The following RBMS1 variants were observed in gnomAD, a reference collection of about 807,000 sequenced individuals.
RBMS1 encodes the protein RNA binding motif single stranded interacting protein 1, also known as RNA-binding motif, single-stranded-interacting protein 1.
Under a neutral mutation model 62.3 loss-of-function variants are expected in RBMS1, and 17 were observed. The observed-to-expected ratio is 0.27, with a 90% CI of 0.19 to 0.41. The LOEUF (loss-of-function observed/expected upper bound fraction) is 0.41. RBMS1 is among the 10% of genes least tolerant of loss of function. The pLI, the probability that RBMS1 is intolerant of heterozygous loss-of-function variation, is 1.00. For missense variants in RBMS1, 334 were observed against 504.5 expected (o/e 0.66, Z 3.24); for synonymous variants, 172 against 170.0 (o/e 1.01, Z -0.09).
intron 1 of RBMS1, among the ~76,000 whole-genome samples, chr2:160,385,955 C>T (rs1420297120): frequency 6.6e-6 from 1 of 152,166 alleles, no homozygotes; most frequent in Non-Finnish European, 1.5e-5. Flanking sequence ...GGCTTCCAAA[C>T]ATGGTATAAT....
intron 1 of RBMS1, among the ~76,000 whole-genome samples, chr2:160,461,255 AAGAGAGAGAG>A (rs764820779): frequency 1.3e-5 from 2 of 150,666 alleles, no homozygotes; most frequent in African/African-American, 4.9e-5. Flanking sequence ...TCTCGAAAGA[AAGAGAGAGAG>A]AGAGAGAGGG....
intron 6 of RBMS1, among the ~76,000 whole-genome samples, chr2:160,288,279 C>T (rs560144157): frequency 7.2e-5 from 11 of 152,246 alleles, no homozygotes; most frequent in South Asian, 2.1e-4. Flanking sequence ...TAAATAACCA[C>T]GAAGAGAAAA....
intron 9 of RBMS1, chr2:160,282,141 G>A (rs1870105): frequency 0.072 from 69,648 of 961,904 alleles, 2,946 homozygotes; most frequent in Middle Eastern, 0.13. Context: ...TTAAGTTTCA[G>A]TTTCCAATTC....
intron 4 of RBMS1, among the ~76,000 whole-genome samples, chr2:160,311,224 CTATCTATCTATATATA>C (rs1689854987): frequency 3.5e-5 from 2 of 56,634 alleles, no homozygotes; most frequent in African/African-American, 1.2e-4. Context: ...ATCTATCTAT[CTATCTATCTATATATA>C]TATATATATA....
chr2:160,318,724 G>A (rs972742648), intron 2 of RBMS1, among the ~76,000 whole-genome samples: 1 of 152,226 alleles, frequency 6.6e-6, no homozygotes, highest in Non-Finnish European at 1.5e-5. Flanking sequence ...TATCGCCACA[G>A]AAGGGCAGGT....
chr2:160,392,264 G>A (rs995079114), intron 1 of RBMS1, among the ~76,000 whole-genome samples: 20 of 152,118 alleles, frequency 1.3e-4, no homozygotes, highest in African/African-American at 3.9e-4. Flanking sequence ...CACATCAGGG[G>A]TCTGCAAACT....
chr2:160,420,454 G>A (rs144280486), intron 1 of RBMS1, among the ~76,000 whole-genome samples: 2 of 152,110 alleles, frequency 1.3e-5, no homozygotes, highest in African/African-American at 4.8e-5. Flanking sequence ...TTCTAAGGAT[G>A]GTATTAATGC....
rs1431799212 is a variant in RBMS1, at chr2:160,333,065, G to A, written c.252-14838C>T. ...CTGGCATTAAAATGGGATTCAAGAC[G>A]TAAGGCAACCCAGGTGGAGGTGAGT... On this transcript the variant is annotated intron_variant, in intron 2 of 13. Transcript: ENST00000348849. Among the ~76,000 whole-genome samples, 3 of 151,876 alleles carry A rather than the reference G, an allele frequency of 2.0e-5. No individual in the cohort carries two copies. The East Asian group carries it at 5.8e-4, about 29-fold the overall frequency.
chr2:160,439,923 C>T (rs1320028766), intron 1 of RBMS1, among the ~76,000 whole-genome samples: 1 of 151,948 alleles, frequency 6.6e-6, no homozygotes, highest in Non-Finnish European at 1.5e-5. Context: ...GGCGTGGCGG[C>T]GCGCGCCTGC....
chr2:160,467,024 G>T (rs1684723516), intron 1 of RBMS1, among the ~76,000 whole-genome samples: 1 of 152,116 alleles, frequency 6.6e-6, no homozygotes, highest in Admixed American at 6.6e-5. Context: ...TCTTCTCCTT[G>T]TCTCTTTTCC....
At chr2:160,284,564 C>CAAG in intron 9 of RBMS1, 1 of 547,582 alleles carries the variant, frequency 1.8e-6, no homozygotes, top group South Asian at 2.0e-5. Flanking sequence ...CAAGGACTGA[C>CAAG]CACTGACAAA....
intron 1 of RBMS1, among the ~76,000 whole-genome samples, chr2:160,454,999 C>G (rs1054236818): frequency 1.3e-5 from 2 of 152,164 alleles, no homozygotes; most frequent in Non-Finnish European, 2.9e-5. Flanking sequence ...ATTCAAACCA[C>G]CTCTGTAGCT....
At chr2:160,372,206 C>CTAATAA (rs1178255007) in intron 1 of RBMS1, among the ~76,000 whole-genome samples, 3 of 151,852 alleles carry the variant, frequency 2.0e-5, no homozygotes, top group Non-Finnish European at 4.4e-5. Context: ...TACTTAGCCA[C>CTAATAA]TTCTCTAATA....
intron 6 of RBMS1, among the ~76,000 whole-genome samples, chr2:160,288,436 A>G (rs1688517872): frequency 6.6e-6 from 1 of 152,194 alleles, no homozygotes; most frequent in Non-Finnish European, 1.5e-5. Flanking sequence ...AAACAAAACA[A>G]AAGAAAACAA....
intron 1 of RBMS1, among the ~76,000 whole-genome samples, chr2:160,424,585 C>G (rs1196091163): frequency 6.6e-6 from 1 of 152,110 alleles, no homozygotes; most frequent in African/African-American, 2.4e-5. Flanking sequence ...CATGCTATAA[C>G]CGGGAAGCTG....
At chr2:160,446,947 A>G (rs1488544656) in intron 1 of RBMS1, among the ~76,000 whole-genome samples, 1 of 152,176 alleles carries the variant, frequency 6.6e-6, no homozygotes, top group Admixed American at 6.5e-5. Flanking sequence ...TTGCCACCTC[A>G]TGTTGTTCTC....
intron 13 of RBMS1, 116 bp downstream of exon 13, chr2:160,275,514 G>C: frequency 6.8e-7 from 1 of 1,461,254 alleles, no homozygotes; most frequent in Non-Finnish European, 9.1e-7. Context: ...CCTTGGCCAC[G>C]ATTAAAGCAG....
intron 1 of RBMS1, among the ~76,000 whole-genome samples, chr2:160,387,247 T>C (rs964705174): frequency 3.3e-5 from 5 of 152,098 alleles, no homozygotes; most frequent in African/African-American, 1.2e-4. Flanking sequence ...GTGATGCTAG[T>C]AAATGGGAAA....
intron 10 of RBMS1, 198 bp from the exon 11 acceptor site, chr2:160,278,856 C>T (rs746267136): frequency 2.9e-5 from 15 of 510,466 alleles, no homozygotes; most frequent in African/African-American, 2.2e-4. Flanking sequence ...TTTTTAAGAG[C>T]GTTAGGGGAA....
Sources: allele counts gnomAD v4.1 joint callset (sites outside exome capture counted in the v4.1 genomes callset), GRCh38; gene constraint gnomAD v4.1.1; transcripts MANE v1.5; gene names NCBI Gene and HGNC (gene_info 2026-07-23, HGNC 2026-07-21).